Variants in SLC35F3 observed in about 807,000 individuals in gnomAD.
SLC35F3 encodes solute carrier family 35 member F3, also known as putative thiamine transporter SLC35F3.
A neutral mutation model predicts 49.9 loss-of-function variants in SLC35F3; 25 were observed. The ratio of observed to expected loss-of-function variants is 0.50; its 90% CI spans 0.37 to 0.70. The LOEUF (loss-of-function observed/expected upper bound fraction) is 0.70, where lower values mean the gene tolerates loss of function less well. Among genes scored for constraint, SLC35F3 ranks in the 30% least tolerant of loss-of-function variants. The pLI, the probability that SLC35F3 is intolerant of heterozygous loss-of-function variation, is 0.00. For missense variants in SLC35F3, 525 were observed against 639.8 expected (o/e 0.82, Z 1.94); for synonymous variants, 275 against 265.4 (o/e 1.04, Z -0.35).
At chr1:234,061,332 C>G (rs576999989) in intron 2 of SLC35F3, among the ~76,000 whole-genome samples, 1 of 152,114 alleles carries the variant, frequency 6.6e-6, no homozygotes, top group Admixed American at 6.6e-5. Flanking sequence ...AGCTGTTAAT[C>G]TTATTGAGAT....
chr1:233,994,110 T>G (rs548292410), intron 2 of SLC35F3, among the ~76,000 whole-genome samples: 30 of 152,364 alleles, frequency 2.0e-4, no homozygotes, highest in African/African-American at 6.5e-4. Flanking sequence ...CATTTGTTAC[T>G]TTCTGCAGCT....
chr1:234,082,940 C>A (rs1369446914), intron 2 of SLC35F3, among the ~76,000 whole-genome samples: 3 of 152,130 alleles, frequency 2.0e-5, no homozygotes, highest in Non-Finnish European at 4.4e-5. Flanking sequence ...GGGACACAAC[C>A]AAACCATATC....
At position 234,289,031 on chromosome 1, in the gene SLC35F3, A is replaced by G. The variant is rs551535776; in HGVS notation, c.609-20070A>G. ...CACACTCACAGTAATCCAGGGGAAA[A>G]GGGGGGAAGAGAAAGCATAGCCATG... is the stretch of plus-strand genomic sequence containing the variant. On this transcript the variant is annotated intron_variant, in intron 3 of 7. Coordinates refer to ENST00000366618, the MANE Select transcript of SLC35F3 (RefSeq NM_173508.4). Among the ~76,000 whole-genome samples, 8 of 152,316 alleles carry G rather than the reference A, an allele frequency of 5.3e-5. No individual in the cohort carries two copies. In the East Asian group the frequency reaches 1.5e-3, roughly 29 times the overall value.
At position 234,318,734 on chromosome 1, in the gene SLC35F3, T is replaced by C. The variant is rs1390943202; in HGVS notation, c.955-17T>C. ...GAGGTGAGCCTTCACCCCGTCCTCC[T>C]CTGCTTTCTCCTACAGGTTTTGTTC... On this transcript the variant is annotated splice_polypyrimidine_tract_variant and intron_variant, in intron 5 of 7. Transcript: ENST00000366618. The C allele has an allele frequency of 6.2e-7, 1 of 1,611,246 alleles. No individual in the cohort carries two copies. The highest frequency in any genetic ancestry group is 8.5e-7 in the Non-Finnish European group (1 of 1,178,532).
intron 2 of SLC35F3, among the ~76,000 whole-genome samples, chr1:234,155,110 A>G (rs2102910584): frequency 1.3e-5 from 2 of 152,176 alleles, no homozygotes; most frequent in Middle Eastern, 6.8e-3. Context: ...TTTTACTTCT[A>G]TTATTATTTA....
intron 3 of SLC35F3, among the ~76,000 whole-genome samples, chr1:234,253,064 G>A (rs954797821): frequency 1.3e-5 from 2 of 152,124 alleles, no homozygotes; most frequent in African/African-American, 4.8e-5. Context: ...AGTGGCTCAC[G>A]CCTGTAATCC....
chr1:234,167,882 C>A (rs7512316), intron 2 of SLC35F3, among the ~76,000 whole-genome samples: 98,482 of 152,078 alleles, frequency 0.65, 39,390 homozygotes, highest in Non-Finnish European at 0.91. Flanking sequence ...CATGTTCTAT[C>A]CCCTAGACCT....
intron 2 of SLC35F3, among the ~76,000 whole-genome samples, chr1:234,139,852 G>A (rs1665864668): frequency 1.3e-5 from 2 of 151,632 alleles, no homozygotes; most frequent in Middle Eastern, 3.2e-3. Flanking sequence ...GGAGGCTGAG[G>A]CAGGAGAATC....
chr1:234,076,488 G>A (rs1029086518), intron 2 of SLC35F3, among the ~76,000 whole-genome samples: 2 of 150,526 alleles, frequency 1.3e-5, no homozygotes, highest in East Asian at 2.0e-4. Context: ...TGGAGATGGA[G>A]TCTCACTCTG....
At chr1:234,099,586 G>A (rs1288190152) in intron 2 of SLC35F3, among the ~76,000 whole-genome samples, 1 of 139,554 alleles carries the variant, frequency 7.2e-6, no homozygotes, top group Non-Finnish European at 1.5e-5. Context: ...CTCCAGCCTG[G>A]CAACAGAGCG....
intron 2 of SLC35F3, among the ~76,000 whole-genome samples, chr1:234,094,066 G>A (rs1665083780): frequency 6.6e-6 from 1 of 152,240 alleles, no homozygotes; most frequent in Non-Finnish European, 1.5e-5. Flanking sequence ...TCAGGTGTCA[G>A]GTCAAACTTC....
chr1:234,266,054 T>C (rs1352428535), intron 3 of SLC35F3, among the ~76,000 whole-genome samples: 52 of 152,200 alleles, frequency 3.4e-4, no homozygotes, highest in Admixed American at 3.4e-3. Context: ...TCTGTTTTTC[T>C]CTACAAGGCA....
At chr1:234,101,831 T>C (rs1665217824) in intron 2 of SLC35F3, among the ~76,000 whole-genome samples, 1 of 152,240 alleles carries the variant, frequency 6.6e-6, no homozygotes, top group South Asian at 2.1e-4. Flanking sequence ...AAATCAGAGA[T>C]TCTACGTCCT....
intron 2 of SLC35F3, among the ~76,000 whole-genome samples, chr1:234,062,052 C>G (rs1664549277): frequency 6.6e-6 from 1 of 152,086 alleles, no homozygotes; most frequent in African/African-American, 2.4e-5. Flanking sequence ...TTGTTGGATA[C>G]TAGACAAAAA....
intron 3 of SLC35F3, among the ~76,000 whole-genome samples, chr1:234,278,275 A>T (rs1044776300): frequency 6.6e-6 from 1 of 152,172 alleles, no homozygotes; most frequent in African/African-American, 2.4e-5. Flanking sequence ...TGACCACCTG[A>T]GGTCAGGATT....
intron 4 of SLC35F3, 28 bp from the exon 5 acceptor site, chr1:234,316,574 T>C (rs778216261): frequency 1.3e-6 from 2 of 1,591,760 alleles, no homozygotes; most frequent in Non-Finnish European, 1.7e-6. Flanking sequence ...CCGACTTCCC[T>C]GACCAGCATT....
intron 2 of SLC35F3, among the ~76,000 whole-genome samples, chr1:233,985,415 T>C (rs956045460): frequency 1.3e-5 from 2 of 152,240 alleles, no homozygotes; most frequent in African/African-American, 2.4e-5. Context: ...ATCTTATTTT[T>C]ATTGAATCTA....
Position 233,979,419 on chromosome 1 carries a change from C to T in SLC35F3, c.283+73661C>T, listed in dbSNP as rs937635680. ...AACAGTACCCAAGCCTTTCAGACAG[C>T]ATGATATGAAGAGAAAGGACATTTT... is the stretch of plus-strand genomic sequence containing the variant. On this transcript the variant is annotated intron_variant, in intron 2 of 7. Transcript: ENST00000366618. Among the ~76,000 whole-genome samples the T allele has an allele frequency of 5.9e-5, 9 of 152,216 alleles. No individual in the cohort carries two copies. In the South Asian group the frequency reaches 8.3e-4, roughly 14 times the overall value.
intron 2 of SLC35F3, among the ~76,000 whole-genome samples, chr1:233,942,475 G>A (rs1571989310): frequency 6.6e-6 from 1 of 152,034 alleles, no homozygotes; most frequent in East Asian, 1.9e-4. Flanking sequence ...AGGCTAGAGT[G>A]CGATGGCACA....
Sources: allele counts gnomAD v4.1 joint callset (sites outside exome capture counted in the v4.1 genomes callset), GRCh38; gene constraint gnomAD v4.1.1; transcripts MANE v1.5; gene names NCBI Gene and HGNC (gene_info 2026-07-23, HGNC 2026-07-21).